The following FGF14 variants were observed in gnomAD, a reference collection of about 807,000 sequenced individuals.
The protein encoded by FGF14 is fibroblast growth factor homologous factor 4.
In FGF14, 5 loss-of-function variants were observed where a neutral mutation model predicts 25.5. That is an observed-to-expected ratio of 0.20 (90% CI 0.10 to 0.41). The LOEUF is 0.41. Ranked by LOEUF, FGF14 falls within the 10% of genes least tolerant of loss-of-function variation. The pLI is 1.00. For synonymous variants in FGF14, 138 were observed against 118.3 expected, an observed-to-expected ratio of 1.17 and a Z score of -1.08; for missense variants, 222 against 320.1, an observed-to-expected ratio of 0.69 and a Z score of 2.34.
rs1356045135 is a variant in FGF14, at chr13:101,715,337, A to G, written c.*7494T>C. ...GCTGGAGTGATACAGGATGGTGACT[A>G]TCTGATCGGTAAAGGGTGGCACCAA... On this transcript the variant is annotated 3_prime_UTR_variant, in exon 5 of 5. Coordinates refer to ENST00000376143, the MANE Select transcript of FGF14 (RefSeq NM_004115.4). The G allele has an allele frequency of 4.0e-6, 2 of 506,034 alleles. No individual in the cohort carries two copies. Among genetic ancestry groups the G allele is most frequent in the African/African-American group, 3.9e-5 (2 of 51,642 alleles). 31.3% of individuals were successfully genotyped at this position (506,034 alleles called of 1,614,324 possible).
intron 1 of FGF14, among the ~76,000 whole-genome samples, chr13:102,325,054 G>T (rs2138786606): frequency 6.6e-6 from 1 of 152,088 alleles, no homozygotes; most frequent in Middle Eastern, 3.4e-3. Flanking sequence ...TAAAAAAAGA[G>T]GAAAAGATCC....
At chr13:101,829,519 C>T (rs1379612751) in intron 3 of FGF14, among the ~76,000 whole-genome samples, 1 of 151,998 alleles carries the variant, frequency 6.6e-6, no homozygotes, top group Non-Finnish European at 1.5e-5. Flanking sequence ...GCCAATCAGT[C>T]TTTAAAGTGT....
intron 1 of FGF14, among the ~76,000 whole-genome samples, chr13:101,929,647 T>A (rs2034616084): frequency 6.6e-6 from 1 of 152,264 alleles, no homozygotes; most frequent in Admixed American, 6.5e-5. Flanking sequence ...CATGCTTTTC[T>A]ATTAATGTGT....
chr13:102,227,058 T>C (rs2050855986), intron 1 of FGF14, among the ~76,000 whole-genome samples: 1 of 152,136 alleles, frequency 6.6e-6, no homozygotes, highest in Non-Finnish European at 1.5e-5. Flanking sequence ...TTTTCAAACA[T>C]GACTGCCTGT....
chr13:101,869,709 C>A (rs2044941641), intron 2 of FGF14, among the ~76,000 whole-genome samples: 1 of 152,102 alleles, frequency 6.6e-6, no homozygotes, highest in Non-Finnish European at 1.5e-5. Flanking sequence ...TAATTCTAAG[C>A]AGGACAGAAC....
At chr13:101,732,231 G>A (rs1358264101) in intron 3 of FGF14, among the ~76,000 whole-genome samples, 1 of 152,066 alleles carries the variant, frequency 6.6e-6, no homozygotes, top group East Asian at 1.9e-4. Context: ...ATGTCACCTT[G>A]GTGTTATCTA....
At position 102,383,244 on chromosome 13, in the gene FGF14, T is replaced by C. The variant is rs986381009; in HGVS notation, c.208+18227A>G. Among the ~76,000 whole-genome samples, 6 of 152,284 alleles carry C rather than the reference T, an allele frequency of 3.9e-5. No individual in the cohort carries two copies. The East Asian group carries it at 1.2e-3, about 29-fold the overall frequency. On this transcript the variant is annotated intron_variant, in intron 1 of 4. Coordinates refer to the FGF14 transcript ENST00000376131. ...ACATAAAAATATGTTATAAAAATAATTGTTATATCAATTATTTTAGATTTC... is the reference window on the plus strand; with the variant it reads ...ACATAAAAATATGTTATAAAAATAACTGTTATATCAATTATTTTAGATTTC...
chr13:102,177,807 A>G (rs9518648), intron 1 of FGF14, among the ~76,000 whole-genome samples: 55,515 of 151,814 alleles, frequency 0.37, 10,194 homozygotes, highest in African/African-American at 0.41. Flanking sequence ...CTCAAAAAGT[A>G]ATCTTCATTT....
intron 1 of FGF14, among the ~76,000 whole-genome samples, chr13:101,956,299 T>C (rs1323481366): frequency 6.6e-6 from 1 of 152,220 alleles, no homozygotes; most frequent in East Asian, 1.9e-4. Flanking sequence ...ACATCTCTCT[T>C]TACATAAAAC....
At chr13:102,025,559 C>T (rs1006139907) in intron 1 of FGF14, among the ~76,000 whole-genome samples, 33 of 151,868 alleles carry the variant, frequency 2.2e-4, no homozygotes, top group East Asian at 1.9e-4. Flanking sequence ...CAGGTGTGTG[C>T]CACCATGCCT....
At chr13:102,235,197 A>G (rs930069180) in intron 1 of FGF14, among the ~76,000 whole-genome samples, 1 of 152,198 alleles carries the variant, frequency 6.6e-6, no homozygotes, top group Non-Finnish European at 1.5e-5. Context: ...ATATTTTGGG[A>G]TCTATTTATA....
intron 1 of FGF14, among the ~76,000 whole-genome samples, chr13:101,999,911 C>A (rs1418714573): frequency 6.6e-6 from 1 of 152,184 alleles, no homozygotes; most frequent in Non-Finnish European, 1.5e-5. Context: ...ATAGGTCACT[C>A]AAATTCCTTG....
chr13:102,044,371 A>C (rs1046465497), intron 1 of FGF14, among the ~76,000 whole-genome samples: 3 of 151,620 alleles, frequency 2.0e-5, no homozygotes, highest in South Asian at 4.2e-4. Context: ...AAAAAAAAAA[A>C]CTGCTTTTAT....
chr13:102,402,027 G>T, upstream of FGF14: 1 of 295,360 alleles, frequency 3.4e-6, no homozygotes. Flanking sequence ...GACTGCCATT[G>T]TGTAGCCCCT....
chr13:101,983,403 CGTT>C (rs1470788199), intron 1 of FGF14, among the ~76,000 whole-genome samples: 1 of 152,082 alleles, frequency 6.6e-6, no homozygotes, highest in African/African-American at 2.4e-5. Context: ...AAACTCAAGT[CGTT>C]GGTCAGATCT....
At chr13:102,022,940 T>C (rs1318592948) in intron 1 of FGF14, among the ~76,000 whole-genome samples, 1 of 151,736 alleles carries the variant, frequency 6.6e-6, no homozygotes, top group African/African-American at 2.4e-5. Context: ...TGAAGCCTTG[T>C]GCTGGGCTCC....
chr13:101,921,062 T>C (rs942698676), upstream of FGF14, among the ~76,000 whole-genome samples: 3 of 114,494 alleles, frequency 2.6e-5, no homozygotes, highest in African/African-American at 1.7e-4. Context: ...ACACTCCTCT[T>C]GATGATTAAA....
At chr13:102,216,814 C>T (rs967262255) in intron 1 of FGF14, among the ~76,000 whole-genome samples, 2 of 152,164 alleles carry the variant, frequency 1.3e-5, no homozygotes, top group African/African-American at 4.8e-5. Context: ...TCTTCCTCCC[C>T]TGACCCTCCC....
intron 1 of FGF14, among the ~76,000 whole-genome samples, chr13:102,260,981 A>C (rs1362698091): frequency 1.3e-5 from 2 of 152,308 alleles, no homozygotes; most frequent in East Asian, 3.9e-4. Context: ...CCCTGTCCCC[A>C]AAAATTGTCA....
Sources: gnomAD v4.1 joint callset for allele counts (sites outside exome capture counted in the v4.1 genomes callset) on GRCh38, gnomAD v4.1.1 for gene constraint, MANE v1.5 for transcripts, NCBI Gene and HGNC (gene_info 2026-07-23, HGNC 2026-07-21) for gene names.